Variants in IPO11 observed in about 807,000 individuals in gnomAD.
The protein encoded by IPO11 is importin-11.
In IPO11, 66 loss-of-function variants were observed where a neutral mutation model predicts 143.2. That is an observed-to-expected ratio of 0.46 (90% CI 0.38 to 0.57). The LOEUF (loss-of-function observed/expected upper bound fraction) is 0.57. Among genes scored for constraint, IPO11 ranks in the 20% least tolerant of loss-of-function variants. The pLI is 0.00. For missense variants in IPO11, 1,026 were observed against 1,141.0 expected (o/e 0.90, Z 1.45); for synonymous variants, 385 against 377.8 (o/e 1.02, Z -0.22).
chr5:62,610,566 G>T (rs1212189668), intron 29 of IPO11, among the ~76,000 whole-genome samples: 2 of 152,050 alleles, frequency 1.3e-5, no homozygotes, highest in East Asian at 3.8e-4. Flanking sequence ...AAAAATGTGT[G>T]CAAATCCTCA....
intron 19 of IPO11, among the ~76,000 whole-genome samples, chr5:62,513,825 A>G (rs1309779092): frequency 7.0e-6 from 1 of 142,538 alleles, no homozygotes; most frequent in Non-Finnish European, 1.5e-5. Context: ...GGGGCTCCTC[A>G]CTTCTCAGAC....
intron 1 of IPO11, among the ~76,000 whole-genome samples, chr5:62,417,312 T>C (rs1743330059): frequency 6.7e-6 from 1 of 148,242 alleles, no homozygotes. Context: ...TTCACCTCCT[T>C]ATTGGTTAAT....
intron 1 of IPO11, among the ~76,000 whole-genome samples, chr5:62,419,472 C>G (rs1743423311): frequency 6.6e-6 from 1 of 152,038 alleles, no homozygotes; most frequent in African/African-American, 2.4e-5. Flanking sequence ...CAGACGCAAA[C>G]ACACACATTA....
chr5:62,597,725 G>A (rs369240395), intron 28 of IPO11, among the ~76,000 whole-genome samples: 1 of 152,208 alleles, frequency 6.6e-6, no homozygotes, highest in Non-Finnish European at 1.5e-5. Context: ...AGGAGAGGGA[G>A]ACTCATAATA....
At chr5:62,507,591 C>G (rs1412151482) in intron 19 of IPO11, among the ~76,000 whole-genome samples, 1 of 152,000 alleles carries the variant, frequency 6.6e-6, no homozygotes. Context: ...TTTCACATCT[C>G]CAAAATGCTT....
At chr5:62,532,172 A>G (rs1364678776) in intron 22 of IPO11, among the ~76,000 whole-genome samples, 3 of 152,226 alleles carry the variant, frequency 2.0e-5, no homozygotes, top group Non-Finnish European at 2.9e-5. Context: ...CAAATTCAGC[A>G]TGCTTAGTCT....
chr5:62,581,776 T>G (rs1744574847), intron 27 of IPO11, among the ~76,000 whole-genome samples: 1 of 152,130 alleles, frequency 6.6e-6, no homozygotes, highest in Non-Finnish European at 1.5e-5. Flanking sequence ...TAGGTAGAGC[T>G]TGAAATTTAG....
intron 1 of IPO11, 24 bp from the exon 2 acceptor site, chr5:62,437,250 A>G (rs1156401435): frequency 1.3e-6 from 2 of 1,562,862 alleles, no homozygotes; most frequent in South Asian, 1.2e-5. Context: ...TACATATTCA[A>G]GTATGTTAAC....
At chr5:62,530,335 A>T (rs1262535745) in intron 21 of IPO11, among the ~76,000 whole-genome samples, 3 of 152,180 alleles carry the variant, frequency 2.0e-5, no homozygotes, top group Non-Finnish European at 2.9e-5. Flanking sequence ...ACCTGTGTAT[A>T]TGTGTATGTG....
intron 16 of IPO11, among the ~76,000 whole-genome samples, chr5:62,498,259 C>T (rs1019370800): frequency 3.3e-5 from 5 of 151,988 alleles, no homozygotes; most frequent in South Asian, 2.1e-4. Context: ...TGGAGCATAT[C>T]GGTAGTTCCT....
At chr5:62,605,713 G>GTATTATTATTATTATTAT (rs139613779) in intron 29 of IPO11, among the ~76,000 whole-genome samples, 26 of 146,758 alleles carry the variant, frequency 1.8e-4, no homozygotes, top group East Asian at 7.9e-4. Context: ...AGCTAACAAA[G>GTATTATTATTATTATTAT]TATTATTATT....
chr5:62,449,891 T>C, intron 3 of IPO11, 36 bp from the exon 4 acceptor site: 2 of 1,358,636 alleles, frequency 1.5e-6, no homozygotes, highest in Non-Finnish European at 2.0e-6. Context: ...TTAGGTGGCA[T>C]TCTTTTGCAT....
At chr5:62,484,543 A>G (rs1039923168) in intron 11 of IPO11, among the ~76,000 whole-genome samples, 4 of 149,760 alleles carry the variant, frequency 2.7e-5, no homozygotes, top group African/African-American at 9.8e-5. Context: ...GAGGTTTTTG[A>G]TGAATAGTTT....
chr5:62,524,739 A>G (rs748955481), intron 20 of IPO11, among the ~76,000 whole-genome samples: 4 of 152,204 alleles, frequency 2.6e-5, no homozygotes, highest in Non-Finnish European at 5.9e-5. Flanking sequence ...AATGTATTGT[A>G]CACTGGAGAA....
At chr5:62,513,126 G>A (rs1176821354) in intron 19 of IPO11, among the ~76,000 whole-genome samples, 8 of 150,178 alleles carry the variant, frequency 5.3e-5, no homozygotes, top group East Asian at 2.0e-4. Flanking sequence ...GGTGGTGGCC[G>A]GGCAGAGGGG....
rs1052374198 is a variant in IPO11 at position 62,628,253 on chromosome 5, C to G, written c.*935C>G. Reference sequence around the variant, plus strand: ...GGATCCAGCAGTAATCCCCAGGGTACTAGGATTACTAGTACTCTGATGGAA... The same window carrying G: ...GGATCCAGCAGTAATCCCCAGGGTAGTAGGATTACTAGTACTCTGATGGAA... On this transcript the variant is annotated 3_prime_UTR_variant, in exon 30 of 30. Transcript: ENST00000325324. 1 of 152,306 alleles carries G rather than the reference C, an allele frequency of 6.6e-6. No homozygotes were observed. The highest frequency in any genetic ancestry group is 2.4e-5 in the African/African-American group (1 of 41,328). 9.4% of individuals were successfully genotyped at this position (152,306 alleles called of 1,614,324 possible).
intron 28 of IPO11, among the ~76,000 whole-genome samples, chr5:62,594,067 A>G (rs1304552308): frequency 6.6e-6 from 1 of 152,204 alleles, no homozygotes; most frequent in Non-Finnish European, 1.5e-5. Flanking sequence ...GTTCTGTTGA[A>G]TTCTTATTAT....
chr5:62,526,125 AT>A lies in IPO11; in HGVS notation c.1897-14del. On this transcript the variant is annotated splice_polypyrimidine_tract_variant and intron_variant, in intron 20 of 29. Transcript: ENST00000325324. The stretch of plus-strand genomic sequence containing the variant: ...ATTAGAGTGTCTTATTATAAGTTTT[AT>A]TTATACTTCCCATAGGGATTAGGAG... 6.5e-7 allele frequency: 1 copy of A among 1,547,424 alleles called. No homozygotes were observed. Among genetic ancestry groups the A allele is most frequent in the South Asian group, 1.1e-5 (1 of 89,464 alleles).
intron 27 of IPO11, among the ~76,000 whole-genome samples, chr5:62,569,903 A>G (rs1378514001): frequency 6.6e-6 from 1 of 152,130 alleles, no homozygotes; most frequent in Admixed American, 6.5e-5. Context: ...ATTTGTAGTA[A>G]TTATTGGTTC....
Sources: gnomAD v4.1 joint callset for allele counts (sites outside exome capture counted in the v4.1 genomes callset) on GRCh38, gnomAD v4.1.1 for gene constraint, MANE v1.5 for transcripts, NCBI Gene and HGNC (gene_info 2026-07-23, HGNC 2026-07-21) for gene names.